Variants in TUSC3 observed in about 807,000 individuals in gnomAD.
TUSC3 encodes the protein tumor suppressor candidate 3.
Under a neutral mutation model 44.8 loss-of-function variants are expected in TUSC3, and 45 were observed. That is an observed-to-expected ratio of 1.00 (90% CI 0.79 to 1.29). The LOEUF (loss-of-function observed/expected upper bound fraction) is 1.29, where lower values mean the gene tolerates loss of function less well. TUSC3 is among the 50% of genes most tolerant of loss of function. The probability of loss-of-function intolerance (pLI) is 0.00; values close to 1 mark genes in which losing one functional copy is unlikely to be tolerated. For synonymous variants in TUSC3, 212 were observed against 152.9 expected (o/e 1.39, Z -2.85); for missense variants, 519 against 437.9 (o/e 1.19, Z -1.65).
chr8:15,542,276 C>T (rs1484283430), intron 1 of TUSC3, among the ~76,000 whole-genome samples: 3 of 151,934 alleles, frequency 2.0e-5, no homozygotes, highest in African/African-American at 7.3e-5. Flanking sequence ...ATGTGGAGAC[C>T]ATGGTTTTAT....
At chr8:15,848,118 C>T in the TUSC3 span, among the ~76,000 whole-genome samples, 8 of 152,090 alleles carry the variant, frequency 5.3e-5, no homozygotes, top group East Asian at 1.9e-4. Flanking sequence ...TTAGACTGTC[C>T]CCCTCCTTCC....
At chr8:15,450,046 A>G (rs1800173263) in intron 1 of TUSC3, among the ~76,000 whole-genome samples, 1 of 152,178 alleles carries the variant, frequency 6.6e-6, no homozygotes, top group Non-Finnish European at 1.5e-5. Context: ...TAGCACAACA[A>G]CAAAATTGCC....
At chr8:15,812,685 G>T in the TUSC3 span, among the ~76,000 whole-genome samples, 1 of 152,150 alleles carries the variant, frequency 6.6e-6, no homozygotes, top group South Asian at 2.1e-4. Flanking sequence ...AAAATGAACA[G>T]AAACCTATTG....
intron 1 of TUSC3, among the ~76,000 whole-genome samples, chr8:15,552,538 C>T (rs1257177809): frequency 1.3e-5 from 2 of 151,542 alleles, no homozygotes; most frequent in African/African-American, 4.8e-5. Context: ...AGGAAATAAC[C>T]CAGTGAAGAG....
At chr8:15,569,192 T>G (rs913328764) in intron 1 of TUSC3, among the ~76,000 whole-genome samples, 1 of 152,200 alleles carries the variant, frequency 6.6e-6, no homozygotes, top group African/African-American at 2.4e-5. Context: ...CCCATCTGCT[T>G]CTGCATTTGG....
chr8:15,565,956 C>T (rs1802652544), intron 1 of TUSC3, among the ~76,000 whole-genome samples: 1 of 152,042 alleles, frequency 6.6e-6, no homozygotes, highest in African/African-American at 2.4e-5. Context: ...TTAATTCATT[C>T]TTACTAATAA....
the TUSC3 span, among the ~76,000 whole-genome samples, chr8:15,796,966 A>C: frequency 6.6e-6 from 1 of 152,162 alleles, no homozygotes; most frequent in Non-Finnish European, 1.5e-5. Context: ...ATAATTTGCT[A>C]CTTGGAGCCT....
chr8:15,462,880 T>C (rs964125348), intron 1 of TUSC3, among the ~76,000 whole-genome samples: 3 of 152,072 alleles, frequency 2.0e-5, no homozygotes, highest in African/African-American at 7.2e-5. Context: ...GGAAAGAGAA[T>C]TTACTCTTTT....
chr8:15,453,969 C>T (rs1800224837), intron 1 of TUSC3, among the ~76,000 whole-genome samples: 1 of 152,132 alleles, frequency 6.6e-6, no homozygotes. Context: ...CACTAAGAGG[C>T]AAAATGGCAG....
At chr8:15,439,207 A>T (rs28590397) in intron 1 of TUSC3, among the ~76,000 whole-genome samples, 1,923 of 152,258 alleles carry the variant, frequency 0.013, 40 homozygotes, top group African/African-American at 0.044. Context: ...GTAGCCAGCG[A>T]CCCAGGAAAC....
chr8:15,847,999 G>T, the TUSC3 span, among the ~76,000 whole-genome samples: 2 of 152,252 alleles, frequency 1.3e-5, no homozygotes, highest in South Asian at 4.1e-4. Context: ...GGACACAGTG[G>T]ACATGCAATA....
chr8:15,700,578 G>A (rs1023123001), intron 6 of TUSC3, among the ~76,000 whole-genome samples: 1 of 152,120 alleles, frequency 6.6e-6, no homozygotes, highest in African/African-American at 2.4e-5. Context: ...GGAACAGAGA[G>A]TAATTTGATG....
At chr8:15,779,872 G>A in the TUSC3 span, among the ~76,000 whole-genome samples, 1 of 152,180 alleles carries the variant, frequency 6.6e-6, no homozygotes, top group African/African-American at 2.4e-5. Flanking sequence ...AAACGCTATA[G>A]TCTGTGTCAT....
intron 6 of TUSC3, among the ~76,000 whole-genome samples, chr8:15,703,460 T>C (rs951051371): frequency 3.3e-5 from 5 of 152,146 alleles, no homozygotes; most frequent in African/African-American, 1.2e-4. Flanking sequence ...ATTAGTGATA[T>C]TGAAAATAAC....
chr8:15,479,941 A>G (rs1038947944), intron 1 of TUSC3, among the ~76,000 whole-genome samples: 2 of 152,200 alleles, frequency 1.3e-5, no homozygotes, highest in African/African-American at 2.4e-5. Context: ...CTGATGAGCA[A>G]CTTCAGCAAA....
intron 2 of TUSC3, among the ~76,000 whole-genome samples, chr8:15,533,310 T>C (rs1801475926): frequency 6.6e-6 from 1 of 152,212 alleles, no homozygotes; most frequent in South Asian, 2.1e-4. Flanking sequence ...GGTAGAGGAA[T>C]AGTCACTTAT....
intron 1 of TUSC3, among the ~76,000 whole-genome samples, chr8:15,434,953 G>C (rs773250448): frequency 6.7e-6 from 1 of 150,244 alleles, no homozygotes; most frequent in East Asian, 1.9e-4. Flanking sequence ...CATTTGGGTT[G>C]GTTCCAAGTC....
chr8:15,637,561 G>A (rs1477466978), intron 2 of TUSC3, among the ~76,000 whole-genome samples: 2 of 152,044 alleles, frequency 1.3e-5, no homozygotes, highest in African/African-American at 4.8e-5. Context: ...TGTTTTTAGG[G>A]AAATTTTTTA....
At chr8:15,748,281 A>T (rs1461972222) in intron 8 of TUSC3, 94 bp from the exon 9 acceptor site, 4 of 921,732 alleles carry the variant, frequency 4.3e-6, no homozygotes, top group Non-Finnish European at 7.2e-6. Flanking sequence ...GTTAAATGTA[A>T]GTATACTGTA....
Sources: gnomAD v4.1 joint callset for allele counts (sites outside exome capture counted in the v4.1 genomes callset) on GRCh38, gnomAD v4.1.1 for gene constraint, MANE v1.5 for transcripts, NCBI Gene and HGNC (gene_info 2026-07-23, HGNC 2026-07-21) for gene names.